LUZP1: variants seen among roughly 807,000 people sequenced by gnomAD.
The protein encoded by LUZP1 is leucine zipper protein 1, also known as filamin mechanobinding actin cross-linking protein.
LUZP1 carries 25 observed loss-of-function variants against 71.3 expected under a neutral mutation model. The ratio of observed to expected loss-of-function variants is 0.35; its 90% confidence interval spans 0.26 to 0.49. The LOEUF (loss-of-function observed/expected upper bound fraction) is 0.49. Ranked by LOEUF, LUZP1 falls within the 20% of genes least tolerant of loss-of-function variation. The pLI is 0.99. For synonymous variants in LUZP1, 481 were observed against 506.4 expected (o/e 0.95, Z 0.67); for missense variants, 1,142 against 1,300.8 (o/e 0.88, Z 1.88).
intron 2 of LUZP1, among the ~76,000 whole-genome samples, chr1:23,145,428 T>C (rs1644335237): frequency 6.6e-6 from 1 of 152,110 alleles, no homozygotes; most frequent in Non-Finnish European, 1.5e-5. Flanking sequence ...AACTAACGTA[T>C]TATCTCACAA....
At position 23,093,660 on chromosome 1, in the gene LUZP1, T is replaced by G. The variant is rs763802404; in HGVS notation, c.602A>C (p.Asn201Thr). 8.1e-6 allele frequency: 13 copies of G among 1,611,136 alleles called. No homozygotes were observed. In the South Asian group the frequency reaches 1.0e-4, roughly 12 times the overall value. Reference sequence around the variant, plus strand: ...TTTCTCATTTTCTTTCTCCTTTTCATTCAAGTATTTTCTCTCACTTACAAA... The same window carrying G: ...TTTCTCATTTTCTTTCTCCTTTTCAGTCAAGTATTTTCTCTCACTTACAAA... The change falls in exon 4 of 5, where the codon AAT becomes ACT. Residue 201 changes from asparagine to threonine, a missense_variant. Asn to Thr is a moderately conservative substitution (Grantham distance 65). Transcript: ENST00000302291. This position sits in a 1 kb window ranked among gnomAD's most constrained non-coding sequence, Gnocchi z 4.2.
At chr1:23,135,308 C>T (rs147676604) in intron 2 of LUZP1, among the ~76,000 whole-genome samples, 21 of 152,294 alleles carry the variant, frequency 1.4e-4, no homozygotes, top group Middle Eastern at 6.8e-3. Flanking sequence ...AAGCAAATTA[C>T]TTTATTCATT....
At position 23,091,430 on chromosome 1, in the gene LUZP1, C is replaced by T. The variant is rs35624540; in HGVS notation, c.2832G>A (p.Val944=). ...TGTAGGCATTGCTATTGGTAGATTC[C>T]ACGTTTTTACCTATTCGAGTTGGGG... Residue 944 remains valine, a synonymous_variant, in exon 4 of 5, where the codon GTG becomes GTA. Transcript: ENST00000302291. 3,876 of 1,614,102 alleles carry T rather than the reference C, an allele frequency of 2.4e-3. 98 individuals carry two copies. The African/African-American group carries it at 0.045, about 19-fold the overall frequency.
At chr1:23,098,841 G>A (rs946200628) in intron 3 of LUZP1, among the ~76,000 whole-genome samples, 5 of 152,154 alleles carry the variant, frequency 3.3e-5, no homozygotes, top group Admixed American at 1.3e-4. Flanking sequence ...TGGAGGAGAC[G>A]CCAAATGCCA....
chr1:23,085,970 T>C (rs977183741), exon 5 of LUZP1: 2 of 152,134 alleles, frequency 1.3e-5, no homozygotes, highest in African/African-American at 4.8e-5. Flanking sequence ...CCAACAACCA[T>C]ACACCTGCCA....
chr1:23,141,761 C>T (rs970091953), intron 2 of LUZP1, among the ~76,000 whole-genome samples: 1 of 152,110 alleles, frequency 6.6e-6, no homozygotes, highest in African/African-American at 2.4e-5. Context: ...TTCACTGGAG[C>T]CTTGACCTCC....
intron 2 of LUZP1, among the ~76,000 whole-genome samples, chr1:23,135,154 A>C (rs1023741660): frequency 6.6e-6 from 1 of 152,222 alleles, no homozygotes; most frequent in African/African-American, 2.4e-5. Flanking sequence ...AAAATTTTTC[A>C]AACTTTGGAA....
At chr1:23,117,211 T>C (rs1175702137) in intron 2 of LUZP1, among the ~76,000 whole-genome samples, 2 of 152,168 alleles carry the variant, frequency 1.3e-5, no homozygotes, top group African/African-American at 2.4e-5. Flanking sequence ...ACACATGGGA[T>C]TGAAAGTCAG....
chr1:23,142,700 T>TACAC lies in LUZP1; in HGVS notation c.-226+26062_-226+26065dup, dbSNP rs60316911. ...TGGGTGCATAAAATATATATATATATACACACACACACACACACACACACA... is the reference window on the plus strand; with the variant it reads ...TGGGTGCATAAAATATATATATATATACACACACACACACACACACACACACACA... On this transcript the variant is annotated intron_variant, in intron 2 of 4. Transcript: ENST00000302291. Among the ~76,000 whole-genome samples the TACAC allele has an allele frequency of 4.1e-3, 430 of 104,336 alleles. 1 individual carries two copies. The highest frequency in any genetic ancestry group is 9.1e-3 in the Middle Eastern group (2 of 220). The allele number at this position is 104,336 out of a possible 152,430, so 68.4% of individuals were successfully genotyped here. A position where few individuals can be genotyped will look rare whatever the true frequency, so the allele number is the denominator to read the frequency against.
rs1553140068 is a variant in LUZP1, at chr1:23,138,663, T to TGTG, written c.-225-29537_-225-29536insCAC. Among the ~76,000 whole-genome samples the TGTG allele has an allele frequency of 7.2e-3, 905 of 125,558 alleles. 3 individuals carry two copies. Among genetic ancestry groups the TGTG allele is most frequent in the Middle Eastern group, 0.015 (4 of 262 alleles). 82.4% of individuals were successfully genotyped at this position (125,558 alleles called of 152,430 possible). A position where few individuals can be genotyped will look rare whatever the true frequency, so the allele number is the denominator to read the frequency against. ...TTTTTATGGTATATGGATTATGTGT[T>TGTG]TGTGTGTGTGTGTGTGTGTGTGTGT... is the stretch of plus-strand genomic sequence containing the variant. On this transcript the variant is annotated intron_variant, in intron 2 of 4. Transcript: ENST00000302291.
intron 2 of LUZP1, among the ~76,000 whole-genome samples, chr1:23,129,583 A>AAAAT (rs770917911): frequency 6.6e-6 from 1 of 152,184 alleles, no homozygotes; most frequent in African/African-American, 2.4e-5. Context: ...ACTCCGTCTC[A>AAAAT]AAATAAATAA....
chr1:23,087,974 ACT>A (rs1435893820), exon 5 of LUZP1: 3 of 152,624 alleles, frequency 2.0e-5, no homozygotes, highest in African/African-American at 7.2e-5. Context: ...TTGTGGAGTG[ACT>A]AAAGGGGTCT....
At chr1:23,102,908 A>C (rs988299659) in intron 3 of LUZP1, among the ~76,000 whole-genome samples, 5 of 151,980 alleles carry the variant, frequency 3.3e-5, no homozygotes, top group South Asian at 2.1e-4. Context: ...TTTATATTTC[A>C]TTTCATTTCA....
At chr1:23,130,400 T>A (rs947624916) in intron 2 of LUZP1, among the ~76,000 whole-genome samples, 2 of 152,222 alleles carry the variant, frequency 1.3e-5, no homozygotes, top group Admixed American at 1.3e-4. Context: ...CTGTCATTTC[T>A]TTGTATTTTT....
chr1:23,117,452 T>TCC (rs1392670832), intron 2 of LUZP1, among the ~76,000 whole-genome samples: 28 of 60,056 alleles, frequency 4.7e-4, no homozygotes, highest in East Asian at 1.5e-3. Context: ...CTTTTTTTTT[T>TCC]TCCTCTCTCT....
chr1:23,135,685 T>C (rs1393377814), intron 2 of LUZP1, among the ~76,000 whole-genome samples: 1 of 152,136 alleles, frequency 6.6e-6, no homozygotes, highest in Non-Finnish European at 1.5e-5. Context: ...ATTCAAGAGC[T>C]TAGAGATACA....
intron 2 of LUZP1, among the ~76,000 whole-genome samples, chr1:23,136,365 A>G (rs1422266218): frequency 6.6e-6 from 1 of 151,590 alleles, no homozygotes. Context: ...TTAAAGAGGA[A>G]AAAACAAAAA....
At chr1:23,160,410 T>A (rs1330307402) in intron 2 of LUZP1, among the ~76,000 whole-genome samples, 8 of 152,242 alleles carry the variant, frequency 5.3e-5, no homozygotes. Context: ...CAAGCACTGA[T>A]AAAGCATTTT....
At chr1:23,162,218 T>A (rs1026249619) in intron 2 of LUZP1, among the ~76,000 whole-genome samples, 1 of 151,878 alleles carries the variant, frequency 6.6e-6, no homozygotes, top group African/African-American at 2.4e-5. Flanking sequence ...GAAGTCAGGA[T>A]GGTGATTACC....
Sources: gnomAD v4.1 joint callset for allele counts (sites outside exome capture counted in the v4.1 genomes callset) on GRCh38, gnomAD v4.1.1 for gene constraint, Gnocchi (gnomAD v3.1) non-coding constraint, MANE v1.5 for transcripts, NCBI Gene and HGNC (gene_info 2026-07-23, HGNC 2026-07-21) for gene names.